Variants in TTN observed in about 807,000 individuals in gnomAD.
TTN encodes the protein connectin.
A neutral mutation model predicts 3,223.0 loss-of-function variants in TTN; 1,525 were observed. That is an observed-to-expected ratio of 0.47 (90% CI 0.45 to 0.49). The LOEUF (loss-of-function observed/expected upper bound fraction) is 0.49. Ranked by LOEUF, TTN falls within the 20% of genes least tolerant of loss-of-function variation. TTN has a pLI of 0.00. For missense variants in TTN, 40,786 were observed against 43,424.0 expected, an observed-to-expected ratio of 0.94 and a Z score of 5.40; for synonymous variants, 14,094 against 15,161.0, an observed-to-expected ratio of 0.93 and a Z score of 5.17.
At position 178,557,360 on chromosome 2, in the gene TTN, G is replaced by A; in HGVS notation, c.87902C>T (p.Thr29301Ile). 2 of 1,613,958 alleles carry A rather than the reference G, an allele frequency of 1.2e-6. No homozygotes were observed. Among genetic ancestry groups the A allele is most frequent in the Non-Finnish European group, 1.7e-6 (2 of 1,179,858 alleles). The change falls in exon 329 of 363, where the codon ACA becomes ATA. Residue 29301 changes from threonine (T) to isoleucine (I), a missense_variant. Transcript: ENST00000589042. ...TTCATAAATAAGTCCAGCACTGATTGTTGTGACTTTGAAGTGAGTTGTGCG... is the reference window on the plus strand; with the variant it reads ...TTCATAAATAAGTCCAGCACTGATTATTGTGACTTTGAAGTGAGTTGTGCG... The part of the protein sequence containing the change: ...VIRTTHFKVT[T>I]ISAGLIYEFR...
At position 178,554,148 on chromosome 2, in the gene TTN, T is replaced by C; in HGVS notation, c.88963A>G (p.Ser29655Gly). 6.2e-7 allele frequency: 1 copy of C among 1,613,526 alleles called. No individual in the cohort carries two copies. Among genetic ancestry groups the C allele is most frequent in the African/African-American group, 1.3e-5 (1 of 75,000 alleles). Residue 29655 changes from serine to glycine, a missense_variant, in exon 333 of 363, where the codon AGC becomes GGC. Coordinates refer to ENST00000589042, the MANE Select transcript of TTN (RefSeq NM_001267550.2). Reference protein sequence around the residue: ...ITKNSMTVVWSRPIADGGSDI... With the variant: ...ITKNSMTVVWGRPIADGGSDI... ...CTACCGCCATCTGCAATTGGCCTGC[T>C]CCATACAACAGTCATCGAATTCTTG...
At position 178,768,674 on chromosome 2, in the gene TTN, T is replaced by C; in HGVS notation, c.9162A>G (p.Glu3054=). 6.2e-7 allele frequency: 1 copy of C among 1,614,108 alleles called. No homozygotes were observed. Among genetic ancestry groups the C allele is most frequent in the Non-Finnish European group, 8.5e-7 (1 of 1,180,006 alleles). The change falls in exon 38 of 363, where the codon GAA becomes GAG. Residue 3054 remains glutamate, a splice_region_variant and synonymous_variant. Transcript: ENST00000589042. ...GATCTAATATGTATGAAACCATACC[T>C]TCCACATAAAGTGTGGCTGTTGATG... ...KATSTATLYV[E]ARHIEFRKHI... is the part of the protein sequence containing the mutation.
intron 38 of TTN, 126 bp downstream of exon 38, chr2:178,768,547 T>C: frequency 2.2e-6 from 3 of 1,383,998 alleles, no homozygotes; most frequent in South Asian, 1.3e-5. Context: ...TTCCTTTTTA[T>C]TGCTGAATGA....
In TTN at chr2:178,770,294, C is replaced by T. The variant is rs1457989871; in HGVS notation, c.8407G>A (p.Asp2803Asn). 1 of 1,614,122 alleles carries T rather than the reference C, an allele frequency of 6.2e-7. No homozygotes were observed. Among genetic ancestry groups the T allele is most frequent in the Non-Finnish European group, 8.5e-7 (1 of 1,180,014 alleles). The change falls in exon 36 of 363, where the codon GAT becomes AAT. Residue 2803 changes from aspartate to asparagine, a missense_variant. Coordinates refer to ENST00000589042, the MANE Select transcript of TTN (RefSeq NM_001267550.2). Reference sequence around the variant, plus strand: ...GTGGCATTTTCCAAGGCTGTCACATCCTTTGGCTTTTTAATGATCTTGACA... The same window carrying T: ...GTGGCATTTTCCAAGGCTGTCACATTCTTTGGCTTTTTAATGATCTTGACA... The part of the protein sequence containing the change: ...ETVKIIKKPK[D>N]VTALENATVA...
intron 117 of TTN, among the ~76,000 whole-genome samples, 184 bp from the exon 118 acceptor site, chr2:178,694,192 T>G (rs2073137948): frequency 6.6e-6 from 1 of 152,152 alleles, no homozygotes; most frequent in African/African-American, 2.4e-5. Context: ...AAACAATGCA[T>G]GCAGCCTTCA....
chr2:178,736,719 G>T (rs1429121254), intron 49 of TTN, among the ~76,000 whole-genome samples: 1 of 151,928 alleles, frequency 6.6e-6, no homozygotes, highest in Non-Finnish European at 1.5e-5. Flanking sequence ...TTCAATATTA[G>T]TCGCATTCCT....
In TTN at chr2:178,553,648, G is replaced by C; in HGVS notation, c.89357C>G (p.Thr29786Ser). ...TTCTGTAGTTCTGACCTCTCCTTTG[G>C]TAGAGACAGTAGTCCATTCCTCTTC... ...GEEEEWTTVS[T>S]KGEVRTTEYV... Residue 29786 changes from threonine (T) to serine (S), a missense_variant, in exon 334 of 363, where the codon ACC becomes AGC. By Grantham distance (58) the Thr-to-Ser change is moderately conservative. Coordinates refer to ENST00000589042, the MANE Select transcript of TTN (RefSeq NM_001267550.2). 1.9e-6 allele frequency: 3 copies of C among 1,613,794 alleles called. No individual in the cohort carries two copies. The highest frequency in any genetic ancestry group is 2.5e-6 in the Non-Finnish European group (3 of 1,179,800).
chr2:178,789,302 A>T (rs762951127), intron 13 of TTN, 58 bp downstream of exon 13: 202 of 1,600,430 alleles, frequency 1.3e-4, no homozygotes, highest in Non-Finnish European at 1.7e-4. Flanking sequence ...ATTTCACATG[A>T]TATGTGGTAT....
chr2:178,612,681 A>T (rs2056563803), intron 265 of TTN, 92 bp downstream of exon 265: 3 of 1,530,240 alleles, frequency 2.0e-6, no homozygotes, highest in Non-Finnish European at 2.6e-6. Flanking sequence ...AGGAGGAAAT[A>T]ATAGTAATGA....
At chr2:178,710,569 G>A (rs2076509352) in intron 98 of TTN, 66 bp downstream of exon 98, 4 of 1,485,914 alleles carry the variant, frequency 2.7e-6, no homozygotes, top group Non-Finnish European at 3.6e-6. Flanking sequence ...TCATAAAAAC[G>A]ACACCTTCAG....
At chr2:178,743,119 G>A (rs1183100687) in intron 47 of TTN, 1 of 151,984 alleles carries the variant, frequency 6.6e-6, no homozygotes, top group African/African-American at 2.4e-5. Context: ...GGGAGTGAAT[G>A]TGAATACAGT....
Position 178,719,990 on chromosome 2 carries a change from A to T in TTN, c.23652T>A (p.Thr7884=). 6.2e-7 allele frequency: 1 copy of T among 1,607,672 alleles called. No homozygotes were observed. The highest frequency in any genetic ancestry group is 1.3e-5 in the African/African-American group (1 of 74,890). The change falls in exon 81 of 363, where the codon ACT becomes ACA. Residue 7884 remains threonine (T), a synonymous_variant. Transcript: ENST00000589042. ...AGMRECSAVL[T]VLEPARIIEK... ...CTGTGCTTTGCTACTAACCTAGTAC[A>T]GTCAAGACTGCAGAGCATTCTCTCA... is the stretch of plus-strand genomic sequence containing the variant.
intron 311 of TTN, 103 bp downstream of exon 311, chr2:178,584,173 T>G (rs2048398076): frequency 8.3e-6 from 11 of 1,327,466 alleles, no homozygotes; most frequent in Non-Finnish European, 1.0e-5. Context: ...TTCAGATCTC[T>G]ACTACTCTCT....
In TTN at chr2:178,714,511, G is replaced by A; in HGVS notation, c.26263C>T (p.Leu8755=). 1 of 1,613,262 alleles carries A rather than the reference G, an allele frequency of 6.2e-7. No homozygotes were observed. Among genetic ancestry groups the A allele is most frequent in the Non-Finnish European group, 8.5e-7 (1 of 1,179,568 alleles). Residue 8755 remains leucine, a synonymous_variant, in exon 91 of 363, where the codon CTG becomes TTG. Coordinates refer to ENST00000589042, the MANE Select transcript of TTN (RefSeq NM_001267550.2). Reference sequence around the variant, plus strand: ...TCAGCGCCTTCAATGGTAGTCTGCAGCTGAACTTCTTTACCAACGACAGTA... The same window carrying A: ...TCAGCGCCTTCAATGGTAGTCTGCAACTGAACTTCTTTACCAACGACAGTA... ...ISTVVGKEVQ[L]QTTIEGAEPI...
Position 178,573,942 on chromosome 2 carries a change from T to C in TTN, c.72190A>G (p.Ser24064Gly). The C allele has an allele frequency of 6.2e-7, 1 of 1,613,382 alleles. No individual in the cohort carries two copies. The highest frequency in any genetic ancestry group is 8.5e-7 in the Non-Finnish European group (1 of 1,179,570). Residue 24064 changes from serine (S) to glycine (G), a missense_variant, in exon 326 of 363, where the codon AGC (serine) becomes GGC (glycine). Coordinates refer to ENST00000589042, the MANE Select transcript of TTN (RefSeq NM_001267550.2). ...SGRPPPTMEW[S>G]KDGKELEGTA... ...CCTTCCAGCTCTTTTCCATCTTTGC[T>C]CCATTCCATTGTTGGAGGTGGGCGG...
rs371044267 is a variant in TTN at position 178,733,353 on chromosome 2, T to C, written c.15940A>G (p.Asn5314Asp). 2.1e-5 allele frequency: 34 copies of C among 1,613,752 alleles called. No individual in the cohort carries two copies. The Admixed American group carries it at 5.7e-4, about 27-fold the overall frequency. ...SKKYRISFKN[N>D]VAQLKFYSAE... ...GAATAAAATTTGAGCTGGGCAACAT[T>C]GTTTTTAAAACTTATTCGGTATTTT... Residue 5314 changes from asparagine (N) to aspartate (D), a missense_variant, in exon 54 of 363, where the codon AAT becomes GAT. By Grantham distance (23) the Asn-to-Asp change is conservative. Transcript: ENST00000589042.
chr2:178,584,863 G>A lies in TTN; in HGVS notation c.64778C>T (p.Thr21593Ile). The A allele has an allele frequency of 1.2e-6, 2 of 1,613,372 alleles. No individual in the cohort carries two copies. Among genetic ancestry groups the A allele is most frequent in the South Asian group, 1.1e-5 (1 of 91,058 alleles). The change falls in exon 310 of 363, where the codon ACC (threonine) becomes ATC (isoleucine). Residue 21593 changes from threonine to isoleucine, a missense_variant. Thr to Ile is a moderately conservative substitution (Grantham distance 89). Transcript: ENST00000589042. ...IPLEDGGSNI[T>I]NYIVEKCDVS... ...ATCACACTTCTCCACTATATAATTG[G>A]TGATGTTACTGCCTCCGTCCTCCAG... is the stretch of plus-strand genomic sequence containing the variant.
At chr2:178,786,643 C>T (rs1464671974) in intron 13 of TTN, among the ~76,000 whole-genome samples, 2 of 152,072 alleles carry the variant, frequency 1.3e-5, no homozygotes, top group Non-Finnish European at 2.9e-5. Context: ...GCATGCAAAT[C>T]GGACATAACA....
rs2085229392 is a variant in TTN at position 178,750,716 on chromosome 2, A to G, written c.11311+2408T>C. ...ATCCTTTTTTATTCTTTCACTAGCT[A>G]TTTCTTCACTTTCTTCAACATTTAC... On this transcript the variant is annotated intron_variant, in intron 47 of 362. Transcript: ENST00000589042. The G allele has an allele frequency of 6.2e-7, 1 of 1,612,750 alleles. No individual in the cohort carries two copies. The highest frequency in any genetic ancestry group is 1.7e-4 in the Middle Eastern group (1 of 6,038).
Sources: allele counts gnomAD v4.1 joint callset (sites outside exome capture counted in the v4.1 genomes callset), GRCh38; gene constraint gnomAD v4.1.1; transcripts MANE v1.5; gene names NCBI Gene and HGNC (gene_info 2026-07-23, HGNC 2026-07-21).